Variants in WWTR1 observed in about 807,000 individuals in gnomAD.
WWTR1 encodes the protein WW domain containing transcription regulator 1.
WWTR1 carries 13 observed loss-of-function variants against 40.1 expected under a neutral mutation model. That is an observed-to-expected ratio of 0.32 (90% CI 0.21 to 0.52). WWTR1 has a LOEUF of 0.52. Among genes scored for constraint, WWTR1 ranks in the 20% least tolerant of loss-of-function variants. The pLI, the probability that WWTR1 is intolerant of heterozygous loss-of-function variation, is 0.97. For synonymous variants in WWTR1, 230 were observed against 210.1 expected, an observed-to-expected ratio of 1.09 and a Z score of -0.82; for missense variants, 436 against 523.1, an observed-to-expected ratio of 0.83 and a Z score of 1.63.
chr3:149,590,218 A>T (rs191873961), intron 2 of WWTR1, among the ~76,000 whole-genome samples: 2,156 of 152,184 alleles, frequency 0.014, 53 homozygotes, highest in African/African-American at 0.048. Context: ...ATTCATATTA[A>T]TTATTAGTCA....
Position 149,657,107 on chromosome 3 carries a change from G to A in WWTR1, c.200C>T (p.Thr67Ile), listed in dbSNP as rs1012537922. 8 of 1,581,864 alleles carry A rather than the reference G, an allele frequency of 5.1e-6. No individual in the cohort carries two copies. The highest frequency in any genetic ancestry group is 6.9e-6 in the Non-Finnish European group (8 of 1,166,678). Reference protein sequence around the residue: ...DSGSHSRQSSTDSSGGHPGPR... With the variant: ...DSGSHSRQSSIDSSGGHPGPR... The stretch of plus-strand genomic sequence containing the variant: ...CCCCGGGTGGCCGCCCGACGAGTCG[G>A]TGCTGGACTGGCGCGAGTGCGAGCC... The change falls in exon 2 of 7, where the codon ACC becomes ATC. Residue 67 changes from threonine to isoleucine, a missense_variant. Transcript: ENST00000360632.
At chr3:149,543,790 G>A (rs12695939) in intron 3 of WWTR1, among the ~76,000 whole-genome samples, 69,217 of 150,364 alleles carry the variant, frequency 0.46, 16,555 homozygotes, top group South Asian at 0.66. Context: ...TTCCTCCTAG[G>A]TCAGGGTCAA....
chr3:149,605,167 A>G (rs572443928), intron 2 of WWTR1, among the ~76,000 whole-genome samples: 1 of 152,366 alleles, frequency 6.6e-6, no homozygotes, highest in Admixed American at 6.5e-5. Flanking sequence ...CTCATAAGCT[A>G]AGGCATTTGA....
At chr3:149,671,363 A>G (rs1714082587) in intron 1 of WWTR1, among the ~76,000 whole-genome samples, 1 of 151,670 alleles carries the variant, frequency 6.6e-6, no homozygotes, top group African/African-American at 2.4e-5. Context: ...AACCAGAAAA[A>G]CCCCTGCTTG....
At chr3:149,700,048 C>T (rs1278064289) in intron 1 of WWTR1, among the ~76,000 whole-genome samples, 2 of 152,234 alleles carry the variant, frequency 1.3e-5, no homozygotes, top group Non-Finnish European at 2.9e-5. Flanking sequence ...ACAAGCGTAG[C>T]ACCAACATCT....
At position 149,567,789 on chromosome 3, in the gene WWTR1, G is replaced by A. The variant is rs551293422; in HGVS notation, c.568+5075C>T. On this transcript the variant is annotated intron_variant, in intron 3 of 6. Transcript: ENST00000360632. Reference sequence around the variant, plus strand: ...TCACCATTTTACAGATAAGGAAAATGAGACTCAGAGGTTAAATAACCCAAT... The same window carrying A: ...TCACCATTTTACAGATAAGGAAAATAAGACTCAGAGGTTAAATAACCCAAT... Among the ~76,000 whole-genome samples, 11 of 152,304 alleles carry A rather than the reference G, an allele frequency of 7.2e-5. No individual in the cohort carries two copies. The East Asian group carries it at 1.7e-3, about 24-fold the overall frequency.
intron 4 of WWTR1, among the ~76,000 whole-genome samples, chr3:149,721,190 GA>G (rs1715749744): frequency 6.6e-6 from 1 of 152,098 alleles, no homozygotes; most frequent in Non-Finnish European, 1.5e-5. Context: ...TGATCTTAGA[GA>G]AAAAGCTTTC....
intron 4 of WWTR1, among the ~76,000 whole-genome samples, chr3:149,528,607 T>C (rs1735437143): frequency 6.6e-6 from 1 of 152,084 alleles, no homozygotes; most frequent in African/African-American, 2.4e-5. Context: ...GCCTGCAACA[T>C]GGTGAAACCC....
chr3:149,714,104 G>A (rs909825401), intron 5 of WWTR1, among the ~76,000 whole-genome samples: 1 of 152,214 alleles, frequency 6.6e-6, no homozygotes, highest in Admixed American at 6.5e-5. Context: ...GAAGGGGTGG[G>A]CAGAGAGGGA....
At chr3:149,719,216 T>TG (rs1424280202) in intron 4 of WWTR1, among the ~76,000 whole-genome samples, 2 of 151,784 alleles carry the variant, frequency 1.3e-5, no homozygotes, top group African/African-American at 4.8e-5. Flanking sequence ...TTGCCCAGGC[T>TG]GGGGTGCAGT....
chr3:149,673,193 T>C (rs966743781), intron 1 of WWTR1, among the ~76,000 whole-genome samples: 6 of 152,052 alleles, frequency 3.9e-5, no homozygotes, highest in African/African-American at 9.7e-5. Flanking sequence ...CTGGGCAATA[T>C]AGTGAGACCC....
chr3:149,624,977 C>A (rs1740476662), intron 2 of WWTR1, among the ~76,000 whole-genome samples: 1 of 151,840 alleles, frequency 6.6e-6, no homozygotes, highest in Non-Finnish European at 1.5e-5. Context: ...GTGATCCACA[C>A]ACCTCAGCCT....
chr3:149,669,525 T>C (rs905484624), intron 2 of WWTR1, among the ~76,000 whole-genome samples: 1 of 152,094 alleles, frequency 6.6e-6, no homozygotes, highest in East Asian at 1.9e-4. Flanking sequence ...TAGAGTCCAG[T>C]GGGAGGGAAA....
Position 149,518,057 on chromosome 3 carries a change from A to G in WWTR1, c.*2748T>C, listed in dbSNP as rs973451320. The stretch of plus-strand genomic sequence containing the variant: ...ACACTTACAATAATAGGAAATAGCC[A>G]TTAAAAAGTTGCTCTAACTTTAGAT... On this transcript the variant is annotated 3_prime_UTR_variant, in exon 7 of 7. Transcript: ENST00000360632. 6.6e-6 allele frequency: 1 copy of G among 152,182 alleles called. No individual in the cohort carries two copies. Among genetic ancestry groups the G allele is most frequent in the African/African-American group, 2.4e-5 (1 of 41,468 alleles). The allele number at this position is 152,182 out of a possible 1,614,324, so 9.4% of individuals were successfully genotyped here. A position where few individuals can be genotyped will look rare whatever the true frequency, so the allele number is the denominator to read the frequency against.
intron 1 of WWTR1, among the ~76,000 whole-genome samples, chr3:149,681,171 A>G (rs1714449763): frequency 6.6e-6 from 1 of 152,238 alleles, no homozygotes; most frequent in Non-Finnish European, 1.5e-5. Flanking sequence ...TCGGGTTGTC[A>G]ATCAAGATCA....
chr3:149,644,451 G>A (rs1317047068), intron 2 of WWTR1, among the ~76,000 whole-genome samples: 3 of 152,036 alleles, frequency 2.0e-5, no homozygotes, highest in Admixed American at 6.6e-5. Context: ...GACAGTCCTC[G>A]AAAACCTGAC....
chr3:149,723,185 C>CTCTTTTTT (rs1715797999), intron 4 of WWTR1, among the ~76,000 whole-genome samples: 1 of 101,816 alleles, frequency 9.8e-6, no homozygotes, highest in African/African-American at 3.9e-5. Flanking sequence ...CTTTTCTTTT[C>CTCTTTTTT]TTTTTTTTTT....
upstream of WWTR1, among the ~76,000 whole-genome samples, chr3:149,705,646 CT>C (rs1715311078): frequency 6.6e-6 from 1 of 152,160 alleles, no homozygotes; most frequent in Admixed American, 6.5e-5. Context: ...GCAGGGATTT[CT>C]TCTTAATCCT....
chr3:149,606,648 T>C (rs189210621), intron 2 of WWTR1, among the ~76,000 whole-genome samples: 1 of 152,268 alleles, frequency 6.6e-6, no homozygotes, highest in Non-Finnish European at 1.5e-5. Context: ...AATAGAGTGA[T>C]GGGCAATACA....
Sources: gnomAD v4.1 joint callset for allele counts (sites outside exome capture counted in the v4.1 genomes callset) on GRCh38, gnomAD v4.1.1 for gene constraint, MANE v1.5 for transcripts, NCBI Gene and HGNC (gene_info 2026-07-23, HGNC 2026-07-21) for gene names.